IKZF4: variants seen among roughly 807,000 people sequenced by gnomAD.
IKZF4 encodes IKAROS family zinc finger 4, also known as zinc finger protein Eos.
A neutral mutation model predicts 47.7 loss-of-function variants in IKZF4; 11 were observed. That is an observed-to-expected ratio of 0.23 (90% CI 0.15 to 0.38). The LOEUF (loss-of-function observed/expected upper bound fraction) is 0.38, where lower values mean the gene tolerates loss of function less well. IKZF4 is among the 10% of genes least tolerant of loss of function. IKZF4 has a pLI of 1.00. For missense variants in IKZF4, 557 were observed against 784.9 expected (o/e 0.71, Z 3.47); for synonymous variants, 298 against 299.4 (o/e 1.00, Z 0.05).
At chr12:56,014,453 TGTC>T (rs1251736785) in intron 2 of IKZF4, among the ~76,000 whole-genome samples, 1 of 152,208 alleles carries the variant, frequency 6.6e-6, no homozygotes. Flanking sequence ...ACCTAGTGCT[TGTC>T]TAGCCCTTCA....
rs1895615781 is a variant in IKZF4 at position 56,036,134 on chromosome 12, A to AG, written c.*804dup. On this transcript the variant is annotated 3_prime_UTR_variant, in exon 8 of 8. Coordinates refer to ENST00000547167, the MANE Select transcript of IKZF4 (RefSeq NM_022465.4). ...CTTGAACTACCCCTCCACACGCTCT[A>AG]GTCCCTTCAACCTACCGGTCTATTA... is the stretch of plus-strand genomic sequence containing the variant. 1 of 152,550 alleles carries AG rather than the reference A, an allele frequency of 6.6e-6. No individual in the cohort carries two copies. The highest frequency in any genetic ancestry group is 2.1e-4 in the South Asian group (1 of 4,824). The allele number at this position is 152,550 out of a possible 1,614,324, so 9.4% of individuals were successfully genotyped here.
rs1038587312 is a variant in IKZF4, at chr12:56,037,395, A to G, written c.*2064A>G. 2 of 152,538 alleles carry G rather than the reference A, an allele frequency of 1.3e-5. No individual in the cohort carries two copies. The highest frequency in any genetic ancestry group is 2.4e-5 in the African/African-American group (1 of 41,448). The allele number at this position is 152,538 out of a possible 1,614,324, so 9.4% of individuals were successfully genotyped here. A position where few individuals can be genotyped will look rare whatever the true frequency, so the allele number is the denominator to read the frequency against. On this transcript the variant is annotated 3_prime_UTR_variant, in exon 8 of 8. Transcript: ENST00000547167. ...ATCCTCAACGGCACCCTGGGGTGCT[A>G]GCTCCTTTTTAGAATGTCAGCAGAG...
At chr12:56,021,892 A>G in intron 1 of IKZF4, 1 of 425,214 alleles carries the variant, frequency 2.4e-6, no homozygotes, top group South Asian at 2.8e-5. Flanking sequence ...ATGCCGAGAC[A>G]GGCCTGGGTG....
At chr12:56,034,502 A>G (rs1593004881) in intron 7 of IKZF4, 69 bp from the exon 8 acceptor site, 2 of 1,476,090 alleles carry the variant, frequency 1.4e-6, no homozygotes, top group East Asian at 4.6e-5. Context: ...TAAAAAAACA[A>G]AGAAGTAATC....
chr12:56,017,447 C>T (rs1892265435), upstream of IKZF4, among the ~76,000 whole-genome samples: 1 of 151,958 alleles, frequency 6.6e-6, no homozygotes, highest in Non-Finnish European at 1.5e-5. Flanking sequence ...AATGACTGAA[C>T]CCAGCTTCTT....
Position 56,033,229 on chromosome 12 carries a change from T to C in IKZF4, c.905T>C (p.Met302Thr). The C allele has an allele frequency of 6.2e-7, 1 of 1,614,030 alleles. No individual in the cohort carries two copies. The highest frequency in any genetic ancestry group is 8.5e-7 in the Non-Finnish European group (1 of 1,179,894). ...IRDLEMVPDS[M>T]LHSSSERPTF... is the part of the protein sequence containing the mutation. The stretch of plus-strand genomic sequence containing the variant: ...GACCTGGAGATGGTGCCAGACTCCA[T>C]GCTGCACTCATCCTCTGAGCGGCCA... The change falls in exon 7 of 8, where the codon ATG becomes ACG. Residue 302 changes from methionine (M) to threonine (T), a missense_variant. Physicochemically the swap from Met to Thr is moderately conservative, Grantham distance 81. Coordinates refer to ENST00000547167, the MANE Select transcript of IKZF4 (RefSeq NM_022465.4).
At position 56,026,836 on chromosome 12, in the gene IKZF4, G is replaced by A. The variant is rs1592959789; in HGVS notation, c.342G>A (p.Gly114=). 1 of 1,611,536 alleles carries A rather than the reference G, an allele frequency of 6.2e-7. No individual in the cohort carries two copies. The highest frequency in any genetic ancestry group is 8.5e-7 in the Non-Finnish European group (1 of 1,178,848). The change falls in exon 4 of 8, where the codon GGG becomes GGA. Residue 114 remains glycine (G), a synonymous_variant. Transcript: ENST00000547167. ...YSDEESSRLL[G]PDERLLEKDD... is the part of the protein sequence containing the mutation. ...ATGAGGAGTCAAGCAGACTGCTGGG[G>A]CCAGATGAGCGGCTCCTGGAAAAGG...
intron 2 of IKZF4, among the ~76,000 whole-genome samples, chr12:56,012,538 G>T (rs559203929): frequency 6.6e-6 from 1 of 151,958 alleles, no homozygotes; most frequent in South Asian, 2.1e-4. Context: ...CTCCCAAAGT[G>T]CTGGGATTAC....
intron 1 of IKZF4, among the ~76,000 whole-genome samples, chr12:56,022,019 G>A (rs908820496): frequency 6.6e-6 from 1 of 152,074 alleles, no homozygotes; most frequent in African/African-American, 2.4e-5. Flanking sequence ...AGCTGAGGAT[G>A]GGCGTCTTTC....
intron 5 of IKZF4, among the ~76,000 whole-genome samples, chr12:56,031,844 T>C (rs1006673262): frequency 2.6e-5 from 4 of 152,228 alleles, no homozygotes; most frequent in Admixed American, 6.5e-5. Context: ...GTGTTCTCTT[T>C]TTTTTACTCT....
chr12:56,022,863 G>A (rs1329050477), intron 1 of IKZF4, among the ~76,000 whole-genome samples: 6 of 147,792 alleles, frequency 4.1e-5, no homozygotes, highest in South Asian at 2.1e-4. Flanking sequence ...GCAGTGGCGC[G>A]ATCTCGGCTC....
In IKZF4 at chr12:56,021,364, C is replaced by T. The variant is rs1322737487; in HGVS notation, c.-130C>T. 13 of 1,545,958 alleles carry T rather than the reference C, an allele frequency of 8.4e-6. No homozygotes were observed. Among genetic ancestry groups the T allele is most frequent in the Admixed American group, 2.0e-5 (1 of 50,878 alleles). On this transcript the variant is annotated 5_prime_UTR_variant, in exon 1 of 8. Coordinates refer to ENST00000547167, the MANE Select transcript of IKZF4 (RefSeq NM_022465.4). ...CTGAGCTGCTCTTGCTGGCTGCAGCCGTGGGCCTCTGCTCACCGTGCCGCT... is the reference window on the plus strand; with the variant it reads ...CTGAGCTGCTCTTGCTGGCTGCAGCTGTGGGCCTCTGCTCACCGTGCCGCT...
At chr12:56,009,317 C>T (rs917182188) in intron 1 of IKZF4, among the ~76,000 whole-genome samples, 2 of 152,172 alleles carry the variant, frequency 1.3e-5, no homozygotes, top group East Asian at 1.9e-4. Context: ...TTCCACTTAA[C>T]GATAACTCAG....
At chr12:56,032,442 C>G in intron 5 of IKZF4, 119 bp from the exon 6 acceptor site, 1 of 1,014,068 alleles carries the variant, frequency 9.9e-7, no homozygotes, top group South Asian at 1.8e-5. Context: ...AGTAGAAGAA[C>G]TCAATTTAGC....
chr12:56,032,839 A>C, intron 6 of IKZF4, 129 bp downstream of exon 6: 1 of 1,127,326 alleles, frequency 8.9e-7, no homozygotes, highest in Admixed American at 2.2e-5. Context: ...TACCCCAGTA[A>C]ATCTGCCAAA....
chr12:56,034,760 C>T lies in IKZF4; in HGVS notation c.1187C>T (p.Thr396Met), dbSNP rs759142416. The change falls in exon 8 of 8, where the codon ACG becomes ATG. Residue 396 changes from threonine to methionine, a missense_variant. Physicochemically the swap from Thr to Met is moderately conservative, Grantham distance 81 (BLOSUM62 -1). Transcript: ENST00000547167. ...LPPTNCISEL[T>M]PVISSVYTQM... is the part of the protein sequence containing the mutation. ...CCCACCAATTGCATCTCAGAACTCA[C>T]GCCTGTCATCAGCTCTGTCTACACC... 15 of 1,613,950 alleles carry T rather than the reference C, an allele frequency of 9.3e-6. No homozygotes were observed. Among genetic ancestry groups the T allele is most frequent in the African/African-American group, 2.7e-5 (2 of 74,944 alleles).
At chr12:56,028,075 C>G in intron 5 of IKZF4, 128 bp downstream of exon 5, 1 of 1,036,878 alleles carries the variant, frequency 9.6e-7, no homozygotes, top group South Asian at 1.9e-5. Flanking sequence ...ATTTACAGAG[C>G]AGATAGGGCC....
At chr12:56,025,576 C>G (rs1310708124) in intron 3 of IKZF4, among the ~76,000 whole-genome samples, 1 of 152,150 alleles carries the variant, frequency 6.6e-6, no homozygotes, top group African/African-American at 2.4e-5. Context: ...CTGTGACATT[C>G]TCTAAATGGT....
intron 1 of IKZF4, among the ~76,000 whole-genome samples, chr12:56,009,273 A>C (rs764189088): frequency 5.3e-5 from 8 of 152,204 alleles, no homozygotes; most frequent in Non-Finnish European, 8.8e-5. Context: ...ATCCTTAAGG[A>C]AGCATGAAAA....
Sources: allele counts gnomAD v4.1 joint callset (sites outside exome capture counted in the v4.1 genomes callset), GRCh38; gene constraint gnomAD v4.1.1; transcripts MANE v1.5; gene names NCBI Gene and HGNC (gene_info 2026-07-23, HGNC 2026-07-21).